Variants in ELL observed in about 807,000 individuals in gnomAD.
ELL encodes RNA polymerase II elongation factor ELL.
In ELL, 18 loss-of-function variants were observed where a neutral mutation model predicts 64.0. That is an observed-to-expected ratio of 0.28 (90% CI 0.19 to 0.42). The LOEUF is 0.42. Among genes scored for constraint, ELL ranks in the 10% least tolerant of loss-of-function variants. ELL has a pLI of 1.00. For synonymous variants in ELL, 399 were observed against 376.2 expected, an observed-to-expected ratio of 1.06 and a Z score of -0.70; for missense variants, 797 against 870.4, an observed-to-expected ratio of 0.92 and a Z score of 1.06.
At position 18,505,094 on chromosome 19, in the gene ELL, T is replaced by C. The variant is rs556661864; in HGVS notation, c.135+16827A>G. 9.8e-5 allele frequency among the ~76,000 whole-genome samples: 15 copies of C among 152,326 alleles called. No individual in the cohort carries two copies. The East Asian group carries it at 2.7e-3, about 27-fold the overall frequency. ...CCATCATGGCCAAACCTCAGGCGAC[T>C]GAGAACGATGGGCAACTTCTGTGTG... is the stretch of plus-strand genomic sequence containing the variant. On this transcript the variant is annotated intron_variant, in intron 1 of 11. Coordinates refer to ENST00000262809, the MANE Select transcript of ELL (RefSeq NM_006532.4).
intron 10 of ELL, 112 bp downstream of exon 10, chr19:18,446,197 G>T: frequency 7.7e-7 from 1 of 1,303,032 alleles, no homozygotes; most frequent in Non-Finnish European, 1.0e-6. Flanking sequence ...AGCGCTGCCT[G>T]GGGAAGGGCC....
intron 2 of ELL, among the ~76,000 whole-genome samples, chr19:18,472,007 G>A (rs1235193990): frequency 1.3e-5 from 2 of 151,844 alleles, no homozygotes; most frequent in East Asian, 3.9e-4. Flanking sequence ...TTGTTGCCCG[G>A]GCTGTAGTAC....
chr19:18,481,248 G>A (rs1975293842), intron 1 of ELL, among the ~76,000 whole-genome samples: 1 of 152,124 alleles, frequency 6.6e-6, no homozygotes, highest in African/African-American at 2.4e-5. Context: ...AGTTTCCCGT[G>A]GTCCTTGCAA....
rs899178612 is a variant in ELL at position 18,501,592 on chromosome 19, CA to C, written c.135+20328del. On this transcript the variant is annotated intron_variant, in intron 1 of 11. Transcript: ENST00000262809. This position sits in a 1 kb window ranked among gnomAD's most constrained non-coding sequence, Gnocchi z 4.5. ...CAGGCGGATGAGACGGGGGCCAAGC[CA>C]GGGGCCGGCTACTCACGAGTGCACA... Among the ~76,000 whole-genome samples, 3 of 152,224 alleles carry C rather than the reference CA, an allele frequency of 2.0e-5. No individual in the cohort carries two copies. The highest frequency in any genetic ancestry group is 6.5e-5 in the Admixed American group (1 of 15,288).
In ELL at chr19:18,463,324, T is replaced by TC. The variant is rs1974866791; in HGVS notation, c.470-1473dup. 5.7e-5 allele frequency among the ~76,000 whole-genome samples: 7 copies of TC among 122,488 alleles called. No homozygotes were observed. In the South Asian group the frequency reaches 1.7e-3, roughly 30 times the overall value. The allele number at this position is 122,488 out of a possible 152,430, so 80.4% of individuals were successfully genotyped here. On this transcript the variant is annotated intron_variant, in intron 4 of 11. Coordinates refer to ENST00000262809, the MANE Select transcript of ELL (RefSeq NM_006532.4). ...AGACAGAGGAACACGCACATTCACA[T>TC]CTTTTTTTTTTTTTTTTTTTTTTTT...
chr19:18,475,105 C>A (rs372182974), intron 1 of ELL, among the ~76,000 whole-genome samples: 7 of 152,132 alleles, frequency 4.6e-5, no homozygotes, highest in Admixed American at 2.0e-4. Flanking sequence ...GCCTGGGCAA[C>A]AGAGTGAGAT....
At chr19:18,514,814 TGTGCCCTGCCAG>T (rs1976096039) in intron 1 of ELL, among the ~76,000 whole-genome samples, 1 of 152,214 alleles carries the variant, frequency 6.6e-6, no homozygotes, top group African/African-American at 2.4e-5. Flanking sequence ...ATCACAAGTC[TGTGCCCTGCCAG>T]GTGCCTTAAA....
chr19:18,464,388 C>T (rs935977401), intron 4 of ELL, among the ~76,000 whole-genome samples: 1 of 152,142 alleles, frequency 6.6e-6, no homozygotes, highest in Non-Finnish European at 1.5e-5. Flanking sequence ...AAACAAAAAA[C>T]AAAACACGCT....
chr19:18,450,978 G>A lies in ELL; in HGVS notation c.967-3C>T. The A allele has an allele frequency of 1.3e-6, 2 of 1,520,250 alleles. No homozygotes were observed. The highest frequency in any genetic ancestry group is 1.8e-6 in the Non-Finnish European group (2 of 1,134,246). The allele number at this position is 1,520,250 out of a possible 1,614,324, so 94.2% of individuals were successfully genotyped here. Reference sequence around the variant, plus strand: ...AAATCAGGAGGCTGCAGCCGCTTCTGGAGAGGAGCAGAGATCATTTTAGAG... The same window carrying A: ...AAATCAGGAGGCTGCAGCCGCTTCTAGAGAGGAGCAGAGATCATTTTAGAG... On this transcript the variant is annotated splice_polypyrimidine_tract_variant and splice_region_variant and intron_variant, in intron 7 of 11. Transcript: ENST00000262809.
At chr19:18,469,767 G>C (rs1182227874) in intron 2 of ELL, among the ~76,000 whole-genome samples, 3 of 152,226 alleles carry the variant, frequency 2.0e-5, no homozygotes, top group African/African-American at 7.2e-5. Context: ...GGCCACCAGG[G>C]GGCGTTGCTT....
At chr19:18,469,948 C>T (rs950843253) in intron 2 of ELL, among the ~76,000 whole-genome samples, 1 of 152,260 alleles carries the variant, frequency 6.6e-6, no homozygotes, top group Non-Finnish European at 1.5e-5. Flanking sequence ...CAACGATGAG[C>T]CCAGTGCAGG....
chr19:18,471,501 CT>C (rs1166206640), intron 2 of ELL: 4 of 227,522 alleles, frequency 1.8e-5, no homozygotes, highest in Non-Finnish European at 2.8e-5. Flanking sequence ...AACCCTATCT[CT>C]ACTAAAAGTA....
intron 1 of ELL, among the ~76,000 whole-genome samples, chr19:18,496,370 G>C (rs557915310): frequency 6.6e-6 from 1 of 152,320 alleles, no homozygotes; most frequent in African/African-American, 2.4e-5. Context: ...GGTGAGGAAA[G>C]AGCTCAAAAT....
intron 3 of ELL, 21 bp from the exon 4 acceptor site, chr19:18,465,596 C>G: frequency 1.3e-6 from 2 of 1,567,568 alleles, no homozygotes; most frequent in South Asian, 1.2e-5. Context: ...AGGCCAGGAG[C>G]TGGGGTCAGC....
chr19:18,458,244 G>A lies in ELL; in HGVS notation c.830C>T (p.Ser277Leu), dbSNP rs772904308. 21 of 1,612,280 alleles carry A rather than the reference G, an allele frequency of 1.3e-5. No individual in the cohort carries two copies. The East Asian group carries it at 1.8e-4, about 14-fold the overall frequency. Residue 277 changes from serine to leucine, a missense_variant, in exon 6 of 12, where the codon TCG (serine) becomes TTG (leucine). Ser to Leu is a moderately radical substitution (Grantham distance 145). Transcript: ENST00000262809. Reference protein sequence around the residue: ...KDVQKDWPGYSEGDQQLLKRV... With the variant: ...KDVQKDWPGYLEGDQQLLKRV... Reference sequence around the variant, plus strand: ...CTTCAGCAGCTGCTGGTCCCCCTCCGAGTAGCCAGGCCAGTCCTTCTGCAC... The same window carrying A: ...CTTCAGCAGCTGCTGGTCCCCCTCCAAGTAGCCAGGCCAGTCCTTCTGCAC...
At position 18,461,564 on chromosome 19, in the gene ELL, G is replaced by A. The variant is rs370005702; in HGVS notation, c.744+14C>T. 3.2e-6 allele frequency: 5 copies of A among 1,586,534 alleles called. No individual in the cohort carries two copies. The highest frequency in any genetic ancestry group is 4.5e-5 in the East Asian group (2 of 44,654). ...AGACCACTGGTAAAGACAAGACATC[G>A]GGGCGGCACCCACCTGCTGGAGGAG... On this transcript the variant is annotated intron_variant, in intron 5 of 11. Coordinates refer to ENST00000262809, the MANE Select transcript of ELL (RefSeq NM_006532.4).
At chr19:18,512,387 C>T (rs766993469) in intron 1 of ELL, among the ~76,000 whole-genome samples, 2 of 152,132 alleles carry the variant, frequency 1.3e-5, no homozygotes. Flanking sequence ...CCTGTAATCC[C>T]GGCATTTTGG....
At chr19:18,464,827 G>A (rs1239926291) in intron 4 of ELL, among the ~76,000 whole-genome samples, 1 of 152,194 alleles carries the variant, frequency 6.6e-6, no homozygotes, top group East Asian at 1.9e-4. Context: ...GCTTCCCACT[G>A]TCAAGGCCTG....
Position 18,458,167 on chromosome 19 carries a change from C to A in ELL, c.869+38G>T, listed in dbSNP as rs554368355. The stretch of plus-strand genomic sequence containing the variant: ...TGGGTAAGCTCTGGCTGCCTTCATG[C>A]GGGTGGGGACATGCTGGGGGATGGG... On this transcript the variant is annotated intron_variant, in intron 6 of 11. Transcript: ENST00000262809. 3.1e-6 allele frequency: 5 copies of A among 1,600,226 alleles called. No homozygotes were observed. The East Asian group carries it at 6.7e-5, about 21-fold the overall frequency.
Sources: allele counts gnomAD v4.1 joint callset (sites outside exome capture counted in the v4.1 genomes callset), GRCh38; gene constraint gnomAD v4.1.1; non-coding constraint Gnocchi (gnomAD v3.1); transcripts MANE v1.5; gene names NCBI Gene and HGNC (gene_info 2026-07-23, HGNC 2026-07-21).